SLC24A2: variants seen among roughly 807,000 people sequenced by gnomAD.
SLC24A2 encodes the protein solute carrier family 24 member 2, also known as sodium/potassium/calcium exchanger 2.
In SLC24A2, 36 loss-of-function variants were observed where a neutral mutation model predicts 62.0. The observed-to-expected ratio is 0.58, with a 90% CI of 0.44 to 0.77. The LOEUF (loss-of-function observed/expected upper bound fraction) is 0.77, where lower values mean the gene tolerates loss of function less well. Ranked by LOEUF, SLC24A2 falls within the 30% of genes least tolerant of loss-of-function variation. SLC24A2 has a pLI of 0.00. For synonymous variants in SLC24A2, 358 were observed against 294.0 expected (o/e 1.22, Z -2.23); for missense variants, 846 against 817.9 (o/e 1.03, Z -0.42).
the SLC24A2 span, among the ~76,000 whole-genome samples, chr9:19,992,430 T>C: frequency 6.6e-6 from 1 of 152,222 alleles, no homozygotes; most frequent in Non-Finnish European, 1.5e-5. Flanking sequence ...AAATGCAATG[T>C]GGATGAGAAC....
chr9:19,938,855 T>C, the SLC24A2 span, among the ~76,000 whole-genome samples: 2 of 152,214 alleles, frequency 1.3e-5, no homozygotes, highest in African/African-American at 4.8e-5. Flanking sequence ...CTTAAAACTT[T>C]GGCATCCGCT....
At chr9:19,687,040 A>G in intron 2 of SLC24A2, among the ~76,000 whole-genome samples, 1 of 152,122 alleles carries the variant, frequency 6.6e-6, no homozygotes, top group Admixed American at 6.6e-5. Context: ...AGAAAACCAA[A>G]TACCACATGT....
At chr9:20,120,361 C>T in the SLC24A2 span, among the ~76,000 whole-genome samples, 2 of 152,072 alleles carry the variant, frequency 1.3e-5, no homozygotes, top group Non-Finnish European at 2.9e-5. Context: ...TACACCATGG[C>T]ATACTACATA....
At chr9:19,663,490 G>A (rs1423904309) in intron 2 of SLC24A2, among the ~76,000 whole-genome samples, 1 of 152,118 alleles carries the variant, frequency 6.6e-6, no homozygotes, top group South Asian at 2.1e-4. Context: ...AACTGTGAAC[G>A]GTAGTGACAG....
chr9:20,190,731 T>C, the SLC24A2 span, among the ~76,000 whole-genome samples: 3 of 152,092 alleles, frequency 2.0e-5, no homozygotes, highest in African/African-American at 7.2e-5. Context: ...AATTAAAAAA[T>C]AAAAATTAAA....
At chr9:19,919,212 C>G in the SLC24A2 span, among the ~76,000 whole-genome samples, 2 of 152,036 alleles carry the variant, frequency 1.3e-5, no homozygotes, top group Admixed American at 1.3e-4. Context: ...GGCTTGCTCC[C>G]GGGGGGTTCA....
chr9:20,261,809 G>T, the SLC24A2 span, among the ~76,000 whole-genome samples: 1 of 124,416 alleles, frequency 8.0e-6, no homozygotes, highest in Non-Finnish European at 1.6e-5. Context: ...GCACGATCTC[G>T]GCTCACTGCA....
At chr9:20,061,992 T>A in the SLC24A2 span, among the ~76,000 whole-genome samples, 6 of 152,090 alleles carry the variant, frequency 3.9e-5, no homozygotes, top group Admixed American at 1.3e-4. Context: ...TCCCAGTGCT[T>A]TGGGAGGCTA....
the SLC24A2 span, among the ~76,000 whole-genome samples, chr9:19,799,380 T>C: frequency 1.3e-5 from 2 of 152,216 alleles, no homozygotes; most frequent in African/African-American, 4.8e-5. Context: ...CTGCATGTGA[T>C]GTTTCTTTCA....
At chr9:20,268,522 G>T in the SLC24A2 span, among the ~76,000 whole-genome samples, 1 of 152,160 alleles carries the variant, frequency 6.6e-6, no homozygotes, top group South Asian at 2.1e-4. Flanking sequence ...AGAGATCTGA[G>T]CTAGCACACT....
chr9:20,103,289 G>A, the SLC24A2 span, among the ~76,000 whole-genome samples: 9 of 152,266 alleles, frequency 5.9e-5, no homozygotes, highest in African/African-American at 1.4e-4. Context: ...AAACAAAAAG[G>A]CAGCAGTAAC....
chr9:19,722,774 T>C (rs1281438967), intron 2 of SLC24A2, among the ~76,000 whole-genome samples: 2 of 152,050 alleles, frequency 1.3e-5, no homozygotes, highest in Admixed American at 6.6e-5. Context: ...AAAAAGAAGA[T>C]GACCCCCAAA....
chr9:19,561,014 C>A (rs1835372700), intron 7 of SLC24A2, among the ~76,000 whole-genome samples: 1 of 151,976 alleles, frequency 6.6e-6, no homozygotes, highest in Non-Finnish European at 1.5e-5. Flanking sequence ...CAACCTCCGC[C>A]TCCCAGGTTT....
At chr9:19,983,734 A>G in the SLC24A2 span, among the ~76,000 whole-genome samples, 1 of 152,218 alleles carries the variant, frequency 6.6e-6, no homozygotes, top group Non-Finnish European at 1.5e-5. Flanking sequence ...TTACAATTGC[A>G]TGCAATTGAA....
chr9:19,665,717 T>G (rs778483099), intron 2 of SLC24A2, among the ~76,000 whole-genome samples: 2 of 152,136 alleles, frequency 1.3e-5, no homozygotes, highest in Non-Finnish European at 2.9e-5. Context: ...CCTGACCTCC[T>G]GAGCTCAAGT....
chr9:19,642,659 T>C (rs1214652554), intron 2 of SLC24A2, among the ~76,000 whole-genome samples: 1 of 149,992 alleles, frequency 6.7e-6, no homozygotes, highest in African/African-American at 2.5e-5. Context: ...ATGGTTTATA[T>C]GAGAGCGTAT....
chr9:19,869,980 C>A, the SLC24A2 span, among the ~76,000 whole-genome samples: 14 of 152,148 alleles, frequency 9.2e-5, no homozygotes, highest in African/African-American at 3.4e-4. Flanking sequence ...CTAGGGATTT[C>A]TACACTTCAT....
the SLC24A2 span, among the ~76,000 whole-genome samples, chr9:19,858,023 C>T: frequency 6.6e-6 from 1 of 152,022 alleles, no homozygotes; most frequent in Non-Finnish European, 1.5e-5. Flanking sequence ...TCATGCAGAA[C>T]CAAAAAAGAG....
the SLC24A2 span, among the ~76,000 whole-genome samples, chr9:20,120,449 C>T: frequency 2.6e-4 from 39 of 151,742 alleles, no homozygotes; most frequent in Admixed American, 7.2e-4. Flanking sequence ...GAATTAATGC[C>T]GAAACAGAAA....
Sources: allele counts gnomAD v4.1 joint callset (sites outside exome capture counted in the v4.1 genomes callset), GRCh38; gene constraint gnomAD v4.1.1; transcripts MANE v1.5; gene names NCBI Gene and HGNC (gene_info 2026-07-23, HGNC 2026-07-21).